The following HTR1E variants were observed in gnomAD, a reference collection of about 807,000 sequenced individuals.
The protein encoded by HTR1E is 5-HT-1E.
Under a neutral mutation model 3.4 loss-of-function variants are expected in HTR1E, and 3 were observed. The ratio of observed to expected loss-of-function variants is 0.89; its 90% confidence interval spans 0.41 to 2.31. The LOEUF (loss-of-function observed/expected upper bound fraction) is 2.31, where lower values mean the gene tolerates loss of function less well. HTR1E is among the 30% of genes most tolerant of loss of function. The probability of loss-of-function intolerance (pLI) is 0.05; values close to 1 mark genes in which losing one functional copy is unlikely to be tolerated. For missense variants in HTR1E, 392 were observed against 467.0 expected (o/e 0.84, Z 1.48); for synonymous variants, 170 against 182.8 (o/e 0.93, Z 0.56).
Position 87,016,014 on chromosome 6 carries a change from C to T in HTR1E, c.680C>T (p.Thr227Ile). The change falls in exon 2 of 2, where the codon ACA becomes ATA. Residue 227 changes from threonine to isoleucine, a missense_variant. Physicochemically the swap from Thr to Ile is moderately conservative, Grantham distance 89. Around this residue, in one of 3 missense-constraint regions of HTR1E, gnomAD observed 178 missense variants for 164.9 expected, o/e 1.08. Coordinates refer to ENST00000305344, the MANE Select transcript of HTR1E (RefSeq NM_000865.3). ...GSSRHLSNRS[T>I]DSQNSFASCK... ...AGTCGGCACTTAAGCAACAGAAGCA[C>T]AGATAGCCAGAATTCTTTTGCAAGT... The T allele has an allele frequency of 6.2e-7, 1 of 1,614,216 alleles. No individual in the cohort carries two copies. Among genetic ancestry groups the T allele is most frequent in the Non-Finnish European group, 8.5e-7 (1 of 1,180,042 alleles).
At chr6:86,985,258 C>T (rs774707063) in intron 1 of HTR1E, among the ~76,000 whole-genome samples, 17 of 151,648 alleles carry the variant, frequency 1.1e-4, no homozygotes, top group Non-Finnish European at 2.1e-4. Context: ...AATGTAGGAG[C>T]GCCAAAACTA....
chr6:87,011,034 T>C (rs910424690), intron 1 of HTR1E, among the ~76,000 whole-genome samples: 19 of 152,258 alleles, frequency 1.2e-4, no homozygotes, highest in Admixed American at 4.6e-4. Context: ...AAAGTAGTTA[T>C]TGGTCTAAGA....
At chr6:86,968,500 A>G (rs1251977227) in intron 1 of HTR1E, among the ~76,000 whole-genome samples, 2 of 152,252 alleles carry the variant, frequency 1.3e-5, no homozygotes, top group East Asian at 3.8e-4. Flanking sequence ...GAGATATTTC[A>G]TAATCTGATG....
At chr6:86,961,252 T>C (rs1767403069) in intron 1 of HTR1E, among the ~76,000 whole-genome samples, 2 of 152,222 alleles carry the variant, frequency 1.3e-5, no homozygotes, top group Admixed American at 6.5e-5. Flanking sequence ...CATCTCCTCA[T>C]GCCTTTACAA....
intron 1 of HTR1E, among the ~76,000 whole-genome samples, chr6:86,939,400 A>G (rs1768515714): frequency 6.6e-6 from 1 of 152,216 alleles, no homozygotes; most frequent in South Asian, 2.1e-4. Context: ...CTATATAGAG[A>G]AACTCACTCA....
chr6:86,980,874 G>A (rs1349296087), intron 1 of HTR1E, among the ~76,000 whole-genome samples: 1 of 152,154 alleles, frequency 6.6e-6, no homozygotes, highest in Non-Finnish European at 1.5e-5. Flanking sequence ...CCTAAACTGT[G>A]TCCAGGAGTA....
At chr6:87,010,364 G>A (rs1391471656) in intron 1 of HTR1E, among the ~76,000 whole-genome samples, 1,218 of 116,602 alleles carry the variant, frequency 0.01, 3 homozygotes, top group East Asian at 0.041. Flanking sequence ...CGGGCGGGGG[G>A]CTGACCCCCC....
chr6:86,943,654 G>A (rs1282324248), intron 1 of HTR1E, among the ~76,000 whole-genome samples: 2 of 152,172 alleles, frequency 1.3e-5, no homozygotes, highest in African/African-American at 4.8e-5. Context: ...CCAAGCTCTC[G>A]AGTCCAGAAA....
rs149730229 is a variant in HTR1E, at chr6:87,015,670, C to T, written c.336C>T (p.His112=). 3.5e-4 allele frequency: 573 copies of T among 1,614,206 alleles called. 1 individual carries two copies. The Middle Eastern group carries it at 6.6e-3, about 19-fold the overall frequency. ...DMTCCTCSIL[H]LCVIALDRYW... Reference sequence around the variant, plus strand: ...CCTGCTGCACCTGCTCCATCCTCCACCTCTGTGTCATTGCCCTGGACAGGT... The same window carrying T: ...CCTGCTGCACCTGCTCCATCCTCCATCTCTGTGTCATTGCCCTGGACAGGT... Residue 112 remains histidine (H), a synonymous_variant, in exon 2 of 2, where the codon CAC becomes CAT. Coordinates refer to ENST00000305344, the MANE Select transcript of HTR1E (RefSeq NM_000865.3).
Position 87,016,255 on chromosome 6 carries a change from T to A in HTR1E, c.921T>A (p.Phe307Leu). 6.2e-7 allele frequency: 1 copy of A among 1,614,164 alleles called. No individual in the cohort carries two copies. Among genetic ancestry groups the A allele is most frequent in the Non-Finnish European group, 8.5e-7 (1 of 1,180,004 alleles). ...LGAFILSWLPFFIKELIVGLS... is the reference protein window; with the variant it reads ...LGAFILSWLPLFIKELIVGLS... ...CATTCATTTTATCCTGGCTGCCATT[T>A]TTCATCAAAGAGTTGATTGTGGGTC... The change falls in exon 2 of 2, where the codon TTT (phenylalanine) becomes TTA (leucine). Residue 307 changes from phenylalanine (F) to leucine (L), a missense_variant. Phe to Leu is a conservative substitution (Grantham distance 22). Transcript: ENST00000305344.
intron 1 of HTR1E, among the ~76,000 whole-genome samples, chr6:86,956,640 T>G (rs574428549): frequency 1.3e-5 from 2 of 152,176 alleles, no homozygotes; most frequent in Non-Finnish European, 2.9e-5. Flanking sequence ...AACCCAACCA[T>G]CTGCGTACAT....
chr6:87,000,861 T>C (rs1229715591), intron 1 of HTR1E, among the ~76,000 whole-genome samples: 1 of 152,202 alleles, frequency 6.6e-6, no homozygotes, highest in Non-Finnish European at 1.5e-5. Flanking sequence ...AACCCTATAA[T>C]TGTGGTGTGT....
At chr6:86,963,366 T>A (rs1359011303) in intron 1 of HTR1E, among the ~76,000 whole-genome samples, 2 of 152,214 alleles carry the variant, frequency 1.3e-5, no homozygotes, top group Non-Finnish European at 2.9e-5. Flanking sequence ...TGTTTTTTTA[T>A]CAAGAAGTTA....
rs545506979 is a variant in HTR1E, at chr6:87,002,923, A to C, written c.-185-12227A>C. Among the ~76,000 whole-genome samples, 10 of 152,354 alleles carry C rather than the reference A, an allele frequency of 6.6e-5. No individual in the cohort carries two copies. The South Asian group carries it at 2.1e-3, about 32-fold the overall frequency. On this transcript the variant is annotated intron_variant, in intron 1 of 1. Transcript: ENST00000305344. Reference sequence around the variant, plus strand: ...TCAGCATTGGACAGATCATCCAGACAGAAAATCAACAAAGAAACATCAGAT... The same window carrying C: ...TCAGCATTGGACAGATCATCCAGACCGAAAATCAACAAAGAAACATCAGAT...
rs191604600 is a variant in HTR1E, at chr6:86,943,789, T to A, written c.-186+5966T>A. ...TAGGGCTATTTATGAGGATTAAATG[T>A]GTGTATTCATTATTGCTAAATAATA... is the stretch of plus-strand genomic sequence containing the variant. On this transcript the variant is annotated intron_variant, in intron 1 of 1. Coordinates refer to ENST00000305344, the MANE Select transcript of HTR1E (RefSeq NM_000865.3). 4.3e-4 allele frequency among the ~76,000 whole-genome samples: 66 copies of A among 152,360 alleles called. 1 individual carries two copies. The East Asian group carries it at 0.012, about 28-fold the overall frequency.
chr6:86,991,373 G>A (rs1479753889), intron 1 of HTR1E, among the ~76,000 whole-genome samples: 2 of 152,132 alleles, frequency 1.3e-5, no homozygotes, highest in Non-Finnish European at 2.9e-5. Flanking sequence ...GGTAATACAA[G>A]AAGTTAACAA....
chr6:86,987,331 A>G (rs1193506800), intron 1 of HTR1E, among the ~76,000 whole-genome samples: 1 of 152,162 alleles, frequency 6.6e-6, no homozygotes, highest in East Asian at 1.9e-4. Context: ...TCCAAGGCAC[A>G]CAAGTCTTAA....
intron 1 of HTR1E, among the ~76,000 whole-genome samples, chr6:86,987,234 A>C (rs2127826846): frequency 6.6e-6 from 1 of 152,262 alleles, no homozygotes; most frequent in South Asian, 2.1e-4. Flanking sequence ...GAGATGAGAT[A>C]AGGCTTAGTT....
At chr6:86,985,313 AT>A (rs1178934946) in intron 1 of HTR1E, among the ~76,000 whole-genome samples, 1 of 152,212 alleles carries the variant, frequency 6.6e-6, no homozygotes, top group Non-Finnish European at 1.5e-5. Flanking sequence ...TTGATCCCTG[AT>A]GTGTCCTTAA....
Sources: gnomAD v4.1 joint callset for allele counts (sites outside exome capture counted in the v4.1 genomes callset) on GRCh38, gnomAD v4.1.1 for gene constraint, gnomAD v4.1.1 regional missense constraint, MANE v1.5 for transcripts, NCBI Gene and HGNC (gene_info 2026-07-23, HGNC 2026-07-21) for gene names.